FCHO1: variants seen among roughly 807,000 people sequenced by gnomAD.
FCHO1 encodes the protein F-BAR domain only protein 1.
In FCHO1, 45 loss-of-function variants were observed where a neutral mutation model predicts 114.4. The ratio of observed to expected loss-of-function variants is 0.39; its 90% CI spans 0.31 to 0.50. The LOEUF is 0.50. Among genes scored for constraint, FCHO1 ranks in the 20% least tolerant of loss-of-function variants. The pLI is 0.77. For synonymous variants in FCHO1, 480 were observed against 488.9 expected (o/e 0.98, Z 0.24); for missense variants, 1,042 against 1,209.6 (o/e 0.86, Z 2.06).
intron 3 of FCHO1, chr19:17,754,908 G>T: frequency 2.0e-6 from 1 of 511,726 alleles, no homozygotes; most frequent in South Asian, 2.0e-5. Context: ...GGAATTGGGG[G>T]CATCTGTGTC....
At chr19:17,768,645 G>C (rs1382750375) in intron 7 of FCHO1, among the ~76,000 whole-genome samples, 1 of 150,308 alleles carries the variant, frequency 6.7e-6, no homozygotes, top group Non-Finnish European at 1.5e-5. Flanking sequence ...AGTCAGTTGA[G>C]ATCGCGACAC....
intron 1 of FCHO1, among the ~76,000 whole-genome samples, chr19:17,753,054 C>T (rs1205804714): frequency 6.6e-6 from 1 of 152,132 alleles, no homozygotes; most frequent in African/African-American, 2.4e-5. Flanking sequence ...TGCACTCCAG[C>T]CTGGGCAACA....
intron 5 of FCHO1, 119 bp downstream of exon 5, chr19:17,762,972 G>A (rs2086958531): frequency 1.3e-5 from 9 of 672,834 alleles, no homozygotes; most frequent in Middle Eastern, 4.2e-4. Flanking sequence ...AGGAACCAGA[G>A]GGGCTCGAAA....
chr19:17,786,739 G>C, intron 27 of FCHO1, 110 bp downstream of exon 27: 3 of 1,189,722 alleles, frequency 2.5e-6, no homozygotes, highest in Non-Finnish European at 3.6e-6. Context: ...GGCAAGTATG[G>C]GCATTGAGGA....
intron 27 of FCHO1, among the ~76,000 whole-genome samples, chr19:17,786,833 A>G (rs1205928025): frequency 6.6e-6 from 1 of 151,900 alleles, no homozygotes; most frequent in African/African-American, 2.4e-5. Context: ...ATGCAGGATC[A>G]CTTGAGTCCA....
chr19:17,750,822 C>CTTTTTTTT (rs1326515643), upstream of FCHO1, among the ~76,000 whole-genome samples: 3 of 143,788 alleles, frequency 2.1e-5, no homozygotes, highest in African/African-American at 2.6e-5. Context: ...CTTCCCCTTT[C>CTTTTTTTT]TTTTCTTTTT....
intron 13 of FCHO1, 157 bp downstream of exon 13, chr19:17,774,635 C>T (rs1268569169): frequency 4.8e-6 from 3 of 622,296 alleles, no homozygotes; most frequent in Non-Finnish European, 5.6e-6. Context: ...AGGAGTACCT[C>T]TGCCCCCGGC....
intron 4 of FCHO1, among the ~76,000 whole-genome samples, chr19:17,757,336 G>A (rs2083999201): frequency 1.3e-5 from 2 of 152,164 alleles, no homozygotes; most frequent in African/African-American, 4.8e-5. Flanking sequence ...GCTGCTGGGG[G>A]TTTGCCAGGT....
intron 6 of FCHO1, among the ~76,000 whole-genome samples, chr19:17,764,932 C>T (rs926708994): frequency 3.3e-5 from 5 of 151,658 alleles, no homozygotes; most frequent in African/African-American, 9.7e-5. Context: ...AGTGTGGTGG[C>T]GGGTGCCTGT....
At chr19:17,774,593 T>C in intron 13 of FCHO1, 115 bp downstream of exon 13, 1 of 795,492 alleles carries the variant, frequency 1.3e-6, no homozygotes. Context: ...TATTCCAGGC[T>C]GGACCAGGAT....
At chr19:17,767,146 T>G (rs1248746826) in intron 7 of FCHO1, among the ~76,000 whole-genome samples, 1 of 150,290 alleles carries the variant, frequency 6.7e-6, no homozygotes, top group Admixed American at 6.7e-5. Context: ...AGTGGCGTGA[T>G]CAGAGCTCCC....
intron 27 of FCHO1, among the ~76,000 whole-genome samples, 175 bp downstream of exon 27, chr19:17,786,804 G>C (rs1433589359): frequency 6.6e-6 from 1 of 152,088 alleles, no homozygotes. Context: ...TGTAATCCCA[G>C]TGCTTTGGGA....
chr19:17,754,173 C>T (rs2082740986), intron 1 of FCHO1, 144 bp from the exon 2 acceptor site: 1 of 152,254 alleles, frequency 6.6e-6, no homozygotes, highest in Non-Finnish European at 1.5e-5. Flanking sequence ...GGCCTGCAGG[C>T]TCCAGTGACA....
chr19:17,763,884 A>G (rs997491557), intron 5 of FCHO1, among the ~76,000 whole-genome samples: 4 of 151,130 alleles, frequency 2.6e-5, no homozygotes, highest in African/African-American at 7.3e-5. Flanking sequence ...TTAATAAAAT[A>G]TATTACGTAA....
Position 17,774,388 on chromosome 19 carries a change from C to G in FCHO1, c.836-6C>G. On this transcript the variant is annotated splice_polypyrimidine_tract_variant and splice_region_variant and intron_variant, in intron 12 of 28. Transcript: ENST00000596536. ...AGTGCTCAGGTGCCCCCCAATCTAT[C>G]CTCAGCGATGAAACGTTTGCGGGGA... is the stretch of plus-strand genomic sequence containing the variant. 1 of 1,614,018 alleles carries G rather than the reference C, an allele frequency of 6.2e-7. No homozygotes were observed. Among genetic ancestry groups the G allele is most frequent in the Non-Finnish European group, 8.5e-7 (1 of 1,179,972 alleles).
chr19:17,787,418 A>G, intron 27 of FCHO1, among the ~76,000 whole-genome samples: 1 of 151,730 alleles, frequency 6.6e-6, no homozygotes, highest in Admixed American at 6.6e-5. Flanking sequence ...CTCTAAAAAA[A>G]AAAAAAAAAA....
In FCHO1 at chr19:17,784,346, C is replaced by T. The variant is rs2093683935; in HGVS notation, c.2226+111C>T. 3.0e-6 allele frequency: 4 copies of T among 1,342,644 alleles called. No homozygotes were observed. The South Asian group carries it at 5.5e-5, about 19-fold the overall frequency. The allele number at this position is 1,342,644 out of a possible 1,614,324, so 83.2% of individuals were successfully genotyped here. A position where few individuals can be genotyped will look rare whatever the true frequency, so the allele number is the denominator to read the frequency against. ...GGCCAGGCTGGTCTCGAATTCCTGA[C>T]CTCAAGAGATCCAATCTGTGAGAGC... On this transcript the variant is annotated intron_variant, in intron 25 of 28. Coordinates refer to ENST00000596536, the MANE Select transcript of FCHO1 (RefSeq NM_015122.3). This position sits in a 1 kb window ranked among gnomAD's most constrained non-coding sequence, Gnocchi z 5.3.
chr19:17,778,085 G>A (rs1398899473), intron 18 of FCHO1, 52 bp from the exon 19 acceptor site: 2 of 1,365,368 alleles, frequency 1.5e-6, no homozygotes, highest in African/African-American at 1.4e-5. Context: ...CCCCAGGGTG[G>A]GATGAGGCTT....
intron 26 of FCHO1, among the ~76,000 whole-genome samples, chr19:17,785,381 C>T (rs895141254): frequency 1.3e-5 from 2 of 152,116 alleles, no homozygotes; most frequent in Non-Finnish European, 2.9e-5. Context: ...CTACCACACC[C>T]AGCTGATTTT....
Sources: gnomAD v4.1 joint callset for allele counts (sites outside exome capture counted in the v4.1 genomes callset) on GRCh38, gnomAD v4.1.1 for gene constraint, Gnocchi (gnomAD v3.1) non-coding constraint, MANE v1.5 for transcripts, NCBI Gene and HGNC (gene_info 2026-07-23, HGNC 2026-07-21) for gene names.